Variants in KNDC1 observed in about 807,000 individuals in gnomAD.
KNDC1 encodes the protein kinase non-catalytic C-lobe domain containing 1, also known as kinase non-catalytic C-lobe domain-containing protein 1.
KNDC1 carries 106 observed loss-of-function variants against 172.8 expected under a neutral mutation model. That is an observed-to-expected ratio of 0.61 (90% CI 0.52 to 0.72). KNDC1 has a LOEUF of 0.72. Among genes scored for constraint, KNDC1 ranks in the 30% least tolerant of loss-of-function variants. The probability of loss-of-function intolerance (pLI) is 0.00; values close to 1 mark genes in which losing one functional copy is unlikely to be tolerated. For synonymous variants in KNDC1, 1,083 were observed against 1,062.2 expected (o/e 1.02, Z -0.38); for missense variants, 2,325 against 2,394.5 (o/e 0.97, Z 0.61).
In KNDC1 at chr10:133,199,037, G is replaced by A. The variant is rs1287153931; in HGVS notation, c.2529G>A (p.Glu843=). The change falls in exon 14 of 30, where the codon GAG becomes GAA. Residue 843 remains glutamate (E), a synonymous_variant. Transcript: ENST00000304613. The stretch of plus-strand genomic sequence containing the variant: ...AGGCCACCGAGCGCCCGGGCCAGGA[G>A]CCAGAGGGCCCCGGGGCCACCCCTG... ...RSKATERPGQ[E]PEGPGATPAG... is the part of the protein sequence containing the mutation. 6.3e-7 allele frequency: 1 copy of A among 1,582,640 alleles called. No individual in the cohort carries two copies. Among genetic ancestry groups the A allele is most frequent in the South Asian group, 1.1e-5 (1 of 87,462 alleles).
chr10:133,203,128 G>A (rs12761678), intron 17 of KNDC1, among the ~76,000 whole-genome samples: 7 of 81,984 alleles, frequency 8.5e-5, no homozygotes, highest in African/African-American at 1.9e-4. Context: ...GGGAGCACTC[G>A]GCCCCCAAAC....
At chr10:133,165,480 G>T (rs1591214546) in intron 1 of KNDC1, among the ~76,000 whole-genome samples, 1 of 152,206 alleles carries the variant, frequency 6.6e-6, no homozygotes, top group African/African-American at 2.4e-5. Flanking sequence ...GGGCCCCGCA[G>T]GGGGACGGGG....
At chr10:133,168,464 A>G (rs958086563) in intron 3 of KNDC1, 152 bp downstream of exon 3, 7 of 780,958 alleles carry the variant, frequency 9.0e-6, no homozygotes, top group East Asian at 5.4e-5. Context: ...ACTGGGCTAT[A>G]GGGACGGCCT....
intron 29 of KNDC1, among the ~76,000 whole-genome samples, chr10:133,222,454 TGTGTGTGTGA>T (rs1310304632): frequency 1.3e-5 from 1 of 78,274 alleles, no homozygotes; most frequent in Non-Finnish European, 2.9e-5. Flanking sequence ...GGCGTGTGTG[TGTGTGTGTGA>T]GAGCCCATCC....
rs1845322479 is a variant in KNDC1 at position 133,209,946 on chromosome 10, C to T, written c.3795-665C>T. The stretch of plus-strand genomic sequence containing the variant: ...CCTGGTCAGTGTCTCCTGAGGGTGG[C>T]GCGGTTTCACCCAGTGAAGACCCAG... On this transcript the variant is annotated intron_variant, in intron 20 of 29. Transcript: ENST00000304613. This position sits in a 1 kb window ranked among gnomAD's most constrained non-coding sequence, Gnocchi z 4.9. Among the ~76,000 whole-genome samples the T allele has an allele frequency of 1.3e-5, 2 of 152,164 alleles. No individual in the cohort carries two copies. The highest frequency in any genetic ancestry group is 6.8e-3 in the Middle Eastern group (2 of 294).
At chr10:133,200,670 G>C (rs1240065634) in intron 16 of KNDC1, among the ~76,000 whole-genome samples, 1 of 152,122 alleles carries the variant, frequency 6.6e-6, no homozygotes, top group Non-Finnish European at 1.5e-5. Flanking sequence ...CCCAGCCAAA[G>C]GCCGTCCTCT....
At chr10:133,178,140 CTATG>C (rs1564879016) in intron 3 of KNDC1, among the ~76,000 whole-genome samples, 3 of 147,010 alleles carry the variant, frequency 2.0e-5, no homozygotes, top group African/African-American at 7.6e-5. Flanking sequence ...TGCATGTAGT[CTATG>C]TGTCACGGGC....
chr10:133,206,254 C>T (rs1277715185), intron 17 of KNDC1, among the ~76,000 whole-genome samples: 2 of 152,272 alleles, frequency 1.3e-5, no homozygotes, highest in African/African-American at 4.8e-5. Context: ...CACCTGAAGA[C>T]ACACGGGATG....
Position 133,195,690 on chromosome 10 carries a change from C to T in KNDC1, c.1603C>T (p.Leu535=). 1 of 1,612,394 alleles carries T rather than the reference C, an allele frequency of 6.2e-7. No homozygotes were observed. The highest frequency in any genetic ancestry group is 1.1e-5 in the South Asian group (1 of 90,930). The change falls in exon 10 of 30, where the codon CTG becomes TTG. Residue 535 remains leucine, a synonymous_variant. Coordinates refer to ENST00000304613, the MANE Select transcript of KNDC1 (RefSeq NM_152643.8). ...CTCTGTGTACTGTGTGGCCGCCGTT[C>T]TGTGGACCGCAGCCAAGTTCAGCGT... The part of the protein sequence containing the change: ...KASVYCVAAV[L]WTAAKFSVPR...
rs764028518 is a variant in KNDC1 at position 133,224,777 on chromosome 10, G to A, written c.5137G>A (p.Asp1713Asn). Residue 1713 changes from aspartate to asparagine, a missense_variant, in exon 30 of 30, where the codon GAC (aspartate) becomes AAC (asparagine). Coordinates refer to ENST00000304613, the MANE Select transcript of KNDC1 (RefSeq NM_152643.8). This position sits in a 1 kb window ranked among gnomAD's most constrained non-coding sequence, Gnocchi z 5.4. ...KQRIARFSGADISTLAADSRA... is the reference protein window; with the variant it reads ...KQRIARFSGANISTLAADSRA... Reference sequence around the variant, plus strand: ...GAGGATTGCCCGCTTCAGCGGTGCCGACATTTCCACACTCGCCGCAGATAG... The same window carrying A: ...GAGGATTGCCCGCTTCAGCGGTGCCAACATTTCCACACTCGCCGCAGATAG... 1.9e-5 allele frequency: 30 copies of A among 1,613,942 alleles called. No homozygotes were observed. The highest frequency in any genetic ancestry group is 4.5e-5 in the East Asian group (2 of 44,890).
intron 17 of KNDC1, among the ~76,000 whole-genome samples, chr10:133,203,711 C>G (rs1322846075): frequency 6.6e-6 from 1 of 152,236 alleles, no homozygotes; most frequent in Non-Finnish European, 1.5e-5. Context: ...GGGTTCCTCC[C>G]CCGTCTGTCT....
At position 133,163,167 on chromosome 10, in the gene KNDC1, C is replaced by G. The variant is rs1419430315; in HGVS notation, c.102+2598C>G. ...GGCACACAGTCCAGGCGGCTGGAGTCGATGGATGGGCAATGCTGGCTGCCC... is the reference window on the plus strand; with the variant it reads ...GGCACACAGTCCAGGCGGCTGGAGTGGATGGATGGGCAATGCTGGCTGCCC... On this transcript the variant is annotated intron_variant, in intron 1 of 29. Transcript: ENST00000304613. This position sits in a 1 kb window ranked among gnomAD's most constrained non-coding sequence, Gnocchi z 4.4. Among the ~76,000 whole-genome samples the G allele has an allele frequency of 1.3e-5, 2 of 152,150 alleles. No homozygotes were observed. Among genetic ancestry groups the G allele is most frequent in the Admixed American group, 6.5e-5 (1 of 15,272 alleles).
chr10:133,184,653 T>A (rs1853840006), intron 5 of KNDC1, among the ~76,000 whole-genome samples: 1 of 152,120 alleles, frequency 6.6e-6, no homozygotes, highest in African/African-American at 2.4e-5. Flanking sequence ...CACGCAAACA[T>A]GCTGGTCCTA....
Position 133,225,073 on chromosome 10 carries a change from C to T in KNDC1, c.*183C>T. ...TGGGGACAGGCAGAGCTGGTCTCCTCCCAGCAGACGGAGCCAGGACGGGCA... is the reference window on the plus strand; with the variant it reads ...TGGGGACAGGCAGAGCTGGTCTCCTTCCAGCAGACGGAGCCAGGACGGGCA... On this transcript the variant is annotated 3_prime_UTR_variant, in exon 30 of 30. Transcript: ENST00000304613. The T allele has an allele frequency of 1.7e-6, 1 of 601,016 alleles. No individual in the cohort carries two copies. Among genetic ancestry groups the T allele is most frequent in the Admixed American group, 3.0e-5 (1 of 33,752 alleles). 37.2% of individuals were successfully genotyped at this position (601,016 alleles called of 1,614,324 possible).
chr10:133,207,951 G>A (rs1386841397), intron 20 of KNDC1, among the ~76,000 whole-genome samples: 1 of 152,170 alleles, frequency 6.6e-6, no homozygotes, highest in Non-Finnish European at 1.5e-5. Context: ...TGGGCCCCTG[G>A]GCTGCACCCT....
chr10:133,188,040 C>T (rs1853970261), intron 6 of KNDC1, among the ~76,000 whole-genome samples: 1 of 152,118 alleles, frequency 6.6e-6, no homozygotes, highest in Admixed American at 6.5e-5. Flanking sequence ...GCCCACTGTC[C>T]TCACGGTTCC....
At chr10:133,207,479 C>CG in intron 20 of KNDC1, 128 bp downstream of exon 20, 1 of 899,140 alleles carries the variant, frequency 1.1e-6, no homozygotes, top group Non-Finnish European at 1.7e-6. Flanking sequence ...AATGTTTAAT[C>CG]GGGGTTTAGG....
At chr10:133,178,142 A>G (rs190282731) in intron 3 of KNDC1, among the ~76,000 whole-genome samples, 1,771 of 146,192 alleles carry the variant, frequency 0.012, 40 homozygotes, top group African/African-American at 0.043. Flanking sequence ...CATGTAGTCT[A>G]TGTGTCACGG....
chr10:133,215,339 A>G (rs1016350439), intron 26 of KNDC1, among the ~76,000 whole-genome samples: 1 of 152,216 alleles, frequency 6.6e-6, no homozygotes, highest in African/African-American at 2.4e-5. Context: ...CACGGTGGAC[A>G]GAGCTTCCCT....
Sources: gnomAD v4.1 joint callset for allele counts (sites outside exome capture counted in the v4.1 genomes callset) on GRCh38, gnomAD v4.1.1 for gene constraint, Gnocchi (gnomAD v3.1) non-coding constraint, MANE v1.5 for transcripts, NCBI Gene and HGNC (gene_info 2026-07-23, HGNC 2026-07-21) for gene names.